Variants in GRIA4 observed in about 807,000 individuals in gnomAD.
The protein encoded by GRIA4 is glutamate receptor 4.
GRIA4 carries 34 observed loss-of-function variants against 104.0 expected under a neutral mutation model. The observed-to-expected ratio is 0.33, with a 90% confidence interval of 0.25 to 0.44. The LOEUF is 0.44. Among genes scored for constraint, GRIA4 ranks in the 20% least tolerant of loss-of-function variants. The pLI is 1.00. For missense variants in GRIA4, 750 were observed against 1,096.5 expected (o/e 0.68, Z 4.46); for synonymous variants, 386 against 381.9 (o/e 1.01, Z -0.13).
At chr11:105,855,792 T>A (rs756016253) in intron 4 of GRIA4, among the ~76,000 whole-genome samples, 1 of 152,138 alleles carries the variant, frequency 6.6e-6, no homozygotes, top group Non-Finnish European at 1.5e-5. Context: ...TCTAGAATCA[T>A]TGATGTCTAT....
At chr11:105,655,014 G>C (rs527733562) in intron 3 of GRIA4, among the ~76,000 whole-genome samples, 4 of 152,236 alleles carry the variant, frequency 2.6e-5, no homozygotes, top group South Asian at 2.1e-4. Context: ...ATGGGTGTTT[G>C]AGCATGGCAA....
At chr11:105,977,073 A>G (rs1859017719) in intron 16 of GRIA4, among the ~76,000 whole-genome samples, 1 of 152,000 alleles carries the variant, frequency 6.6e-6, no homozygotes, top group Admixed American at 6.6e-5. Context: ...ACAAAAACAG[A>G]TTTTTCTGGC....
At chr11:105,740,027 G>A (rs1939208837) in intron 3 of GRIA4, among the ~76,000 whole-genome samples, 1 of 152,074 alleles carries the variant, frequency 6.6e-6, no homozygotes, top group South Asian at 2.1e-4. Flanking sequence ...CAGATGCACT[G>A]ACAACCTCAT....
At chr11:105,856,033 C>T (rs1944997853) in intron 4 of GRIA4, among the ~76,000 whole-genome samples, 1 of 152,154 alleles carries the variant, frequency 6.6e-6, no homozygotes, top group African/African-American at 2.4e-5. Context: ...CAAATCATCT[C>T]TCTATGATTT....
intron 3 of GRIA4, among the ~76,000 whole-genome samples, chr11:105,637,980 T>C (rs543484441): frequency 3.0e-4 from 45 of 152,316 alleles, no homozygotes; most frequent in Middle Eastern, 3.4e-3. Flanking sequence ...AATAATTGTG[T>C]ATTTTTAATC....
In GRIA4 at chr11:105,896,199, CAT is replaced by C. The variant is rs368841587; in HGVS notation, c.727-2069_727-2068del. Among the ~76,000 whole-genome samples the C allele has an allele frequency of 5.3e-4, 80 of 152,132 alleles. 1 individual carries two copies. The highest frequency in any genetic ancestry group is 3.1e-3 in the East Asian group (16 of 5,174). On this transcript the variant is annotated intron_variant, in intron 6 of 16. Coordinates refer to ENST00000282499, the MANE Select transcript of GRIA4 (RefSeq NM_000829.4). ...ATTAGTGATGTTGAACATTTTTTCACATGTTTGCTGGCTGTTTGTATGTTGTC... is the reference window on the plus strand; with the variant it reads ...ATTAGTGATGTTGAACATTTTTTCACGTTTGCTGGCTGTTTGTATGTTGTC...
intron 4 of GRIA4, among the ~76,000 whole-genome samples, chr11:105,803,990 A>G (rs1459923280): frequency 3.3e-5 from 5 of 151,688 alleles, no homozygotes; most frequent in African/African-American, 1.2e-4. Flanking sequence ...TGAAGAGGAG[A>G]AGAATGAGGA....
At position 105,648,591 on chromosome 11, in the gene GRIA4, AG is replaced by A. The variant is rs376741076; in HGVS notation, c.247+36159del. Reference sequence around the variant, plus strand: ...TGCAAAGATATTAATAAATGCAAAAAGGAAAAAAAAAGAAAGAACTAGGAAG... The same window carrying A: ...TGCAAAGATATTAATAAATGCAAAAAGAAAAAAAAAGAAAGAACTAGGAAG... On this transcript the variant is annotated intron_variant, in intron 3 of 16. Transcript: ENST00000282499. Among the ~76,000 whole-genome samples the A allele has an allele frequency of 4.1e-3, 621 of 151,954 alleles. 4 individuals carry two copies. Among genetic ancestry groups the A allele is most frequent in the African/African-American group, 0.012 (507 of 41,546 alleles).
chr11:105,801,708 GA>G (rs780623649), intron 4 of GRIA4, among the ~76,000 whole-genome samples: 1 of 151,766 alleles, frequency 6.6e-6, no homozygotes, highest in Non-Finnish European at 1.5e-5. Context: ...TCAAACTAGG[GA>G]AAAAAACTGT....
At chr11:105,731,607 C>A (rs1176030015) in intron 3 of GRIA4, among the ~76,000 whole-genome samples, 1 of 152,094 alleles carries the variant, frequency 6.6e-6, no homozygotes, top group Admixed American at 6.5e-5. Flanking sequence ...TTCACAATAG[C>A]AAAGACTTGG....
At chr11:105,651,534 T>A (rs951790344) in intron 3 of GRIA4, among the ~76,000 whole-genome samples, 1 of 152,124 alleles carries the variant, frequency 6.6e-6, no homozygotes, top group East Asian at 1.9e-4. Flanking sequence ...AGATCACTAT[T>A]TGGGATGTAA....
At chr11:105,647,320 C>T (rs187396419) in intron 3 of GRIA4, among the ~76,000 whole-genome samples, 314 of 152,034 alleles carry the variant, frequency 2.1e-3, no homozygotes, top group African/African-American at 3.0e-3. Flanking sequence ...GGGGAGAAAA[C>T]GGAACACGTA....
intron 10 of GRIA4, among the ~76,000 whole-genome samples, chr11:105,916,829 A>C (rs1157943766): frequency 6.6e-6 from 1 of 152,040 alleles, no homozygotes; most frequent in Admixed American, 6.6e-5. Flanking sequence ...CCTTTTGAAA[A>C]ACTCTCAAAC....
chr11:105,763,284 ATT>A (rs1458429598), intron 4 of GRIA4, among the ~76,000 whole-genome samples: 7 of 152,150 alleles, frequency 4.6e-5, no homozygotes, highest in African/African-American at 1.4e-4. Flanking sequence ...GTCTGGTTTG[ATT>A]AAAACCTTTG....
intron 14 of GRIA4, among the ~76,000 whole-genome samples, chr11:105,944,168 G>GT (rs891604302): frequency 8.5e-5 from 13 of 152,166 alleles, no homozygotes; most frequent in African/African-American, 3.1e-4. Flanking sequence ...GTCATAAAGT[G>GT]TTTTTTCCCT....
chr11:105,647,747 A>G (rs1297955699), intron 3 of GRIA4, among the ~76,000 whole-genome samples: 3 of 152,156 alleles, frequency 2.0e-5, no homozygotes, highest in Non-Finnish European at 4.4e-5. Context: ...CAATGATGAG[A>G]GCACATGGAC....
At chr11:105,637,871 AG>A (rs1395272286) in intron 3 of GRIA4, among the ~76,000 whole-genome samples, 2 of 152,202 alleles carry the variant, frequency 1.3e-5, no homozygotes, top group African/African-American at 4.8e-5. Context: ...ACCATGAAGG[AG>A]GATGGCTTAT....
At chr11:105,912,265 T>C in intron 10 of GRIA4, 1 of 978,128 alleles carries the variant, frequency 1.0e-6, no homozygotes, top group Non-Finnish European at 1.2e-6. Context: ...ATTTGTGTGC[T>C]TGTTTTCTGA....
chr11:105,880,748 A>G (rs1946020801), intron 5 of GRIA4, among the ~76,000 whole-genome samples: 2 of 152,318 alleles, frequency 1.3e-5, no homozygotes, highest in South Asian at 4.1e-4. Context: ...CTATTAGCCT[A>G]TGTGAGACAG....
Sources: gnomAD v4.1 joint callset for allele counts (sites outside exome capture counted in the v4.1 genomes callset) on GRCh38, gnomAD v4.1.1 for gene constraint, MANE v1.5 for transcripts, NCBI Gene and HGNC (gene_info 2026-07-23, HGNC 2026-07-21) for gene names.